FNDC3A: variants seen among roughly 807,000 people sequenced by gnomAD.
FNDC3A encodes the protein fibronectin type III domain containing 3A.
A neutral mutation model predicts 148.9 loss-of-function variants in FNDC3A; 32 were observed. The ratio of observed to expected loss-of-function variants is 0.21; its 90% confidence interval spans 0.16 to 0.29. The LOEUF (loss-of-function observed/expected upper bound fraction) is 0.29. Among genes scored for constraint, FNDC3A ranks in the 10% least tolerant of loss-of-function variants. The pLI is 1.00. For missense variants in FNDC3A, 1,191 were observed against 1,452.8 expected (o/e 0.82, Z 2.93); for synonymous variants, 472 against 473.6 (o/e 1.00, Z 0.04).
intron 3 of FNDC3A, among the ~76,000 whole-genome samples, chr13:49,083,177 T>G (rs912769911): frequency 6.6e-6 from 1 of 152,158 alleles, no homozygotes; most frequent in African/African-American, 2.4e-5. Context: ...AACAGGAATT[T>G]TGTAGCCACC....
chr13:49,148,198 T>C (rs751532723), intron 8 of FNDC3A, among the ~76,000 whole-genome samples: 2 of 152,206 alleles, frequency 1.3e-5, no homozygotes, highest in Non-Finnish European at 2.9e-5. Flanking sequence ...TTGTTTCCTC[T>C]GCTGTGCAAA....
intron 2 of FNDC3A, among the ~76,000 whole-genome samples, chr13:49,036,452 A>G (rs771638983): frequency 1.3e-5 from 2 of 152,238 alleles, no homozygotes; most frequent in Non-Finnish European, 2.9e-5. Flanking sequence ...GTTCTGTCAG[A>G]CAGCACTGGT....
At chr13:49,010,360 A>G (rs1952314505) in intron 2 of FNDC3A, among the ~76,000 whole-genome samples, 1 of 152,196 alleles carries the variant, frequency 6.6e-6, no homozygotes, top group Admixed American at 6.5e-5. Context: ...GATGGTTTGC[A>G]TATAAGAAGT....
intron 3 of FNDC3A, among the ~76,000 whole-genome samples, chr13:49,105,730 G>A (rs1468838415): frequency 3.9e-5 from 6 of 152,020 alleles, no homozygotes; most frequent in Middle Eastern, 3.4e-3. Flanking sequence ...TACATCCTTC[G>A]GTTGGTGTTA....
chr13:49,040,374 C>T lies in FNDC3A; in HGVS notation c.99+34085C>T, dbSNP rs558767631. On this transcript the variant is annotated intron_variant, in intron 2 of 25. Transcript: ENST00000492622. ...CATTATCGGCACTAATAACTCAACC[C>T]AGATATTAGAAGTTCCCACCATTTG... Among the ~76,000 whole-genome samples, 10 of 152,272 alleles carry T rather than the reference C, an allele frequency of 6.6e-5. No homozygotes were observed. The East Asian group carries it at 1.9e-3, about 29-fold the overall frequency.
At chr13:49,174,619 G>T (rs1566306394) in intron 12 of FNDC3A, 60 bp downstream of exon 12, 1 of 1,428,714 alleles carries the variant, frequency 7.0e-7, no homozygotes, top group African/African-American at 1.4e-5. Context: ...AACGTCAATT[G>T]TATAATTATT....
At chr13:49,079,418 C>T (rs1878331178) in intron 3 of FNDC3A, among the ~76,000 whole-genome samples, 1 of 152,120 alleles carries the variant, frequency 6.6e-6, no homozygotes, top group Non-Finnish European at 1.5e-5. Flanking sequence ...GTTACTATAA[C>T]ATTCAGTGGT....
chr13:49,137,493 T>C (rs961650958), intron 6 of FNDC3A, among the ~76,000 whole-genome samples: 8 of 152,090 alleles, frequency 5.3e-5, no homozygotes, highest in African/African-American at 1.4e-4. Context: ...TAAAGGCGCA[T>C]GCCACCACGC....
chr13:48,996,640 A>C (rs551939967), intron 1 of FNDC3A, among the ~76,000 whole-genome samples: 1 of 152,304 alleles, frequency 6.6e-6, no homozygotes, highest in African/African-American at 2.4e-5. Flanking sequence ...ATCTTTGGGG[A>C]TCCTGGAATC....
At chr13:49,124,624 T>C (rs1289913719) in intron 4 of FNDC3A, among the ~76,000 whole-genome samples, 3 of 152,158 alleles carry the variant, frequency 2.0e-5, no homozygotes, top group African/African-American at 7.2e-5. Context: ...TTGGTCCTTA[T>C]TTTAGGCAGA....
intron 2 of FNDC3A, chr13:49,046,886 CAGTT>C (rs1034752052): frequency 9.9e-5 from 15 of 151,442 alleles, no homozygotes; most frequent in African/African-American, 3.4e-4. Flanking sequence ...TTTTGGGAAA[CAGTT>C]GGTGTTTGCT....
chr13:49,207,606 G>C lies in FNDC3A; in HGVS notation c.*211G>C, dbSNP rs1886713364. 2.3e-6 allele frequency: 1 copy of C among 428,004 alleles called. No homozygotes were observed. Among genetic ancestry groups the C allele is most frequent in the Non-Finnish European group, 4.1e-6 (1 of 241,564 alleles). The allele number at this position is 428,004 out of a possible 1,614,324, so 26.5% of individuals were successfully genotyped here. On this transcript the variant is annotated 3_prime_UTR_variant, in exon 26 of 26. Coordinates refer to ENST00000492622, the MANE Select transcript of FNDC3A (RefSeq NM_001079673.2). ...CAAAAATATCAATTTTGTTTTTTTT[G>C]TTAGGGTGGGTCTTCTTTTTTTCTT...
At chr13:49,133,192 G>A (rs530479035) in intron 5 of FNDC3A, among the ~76,000 whole-genome samples, 40 of 152,274 alleles carry the variant, frequency 2.6e-4, no homozygotes, top group Non-Finnish European at 3.8e-4. Flanking sequence ...CCTAGGAGAT[G>A]TTCATGCTGT....
chr13:49,022,335 G>A (rs1311621717), intron 2 of FNDC3A, among the ~76,000 whole-genome samples: 1 of 152,066 alleles, frequency 6.6e-6, no homozygotes, highest in Admixed American at 6.6e-5. Context: ...CTACATGTTT[G>A]TTTCTGAGAT....
chr13:49,159,757 G>A (rs1042078694), intron 8 of FNDC3A, among the ~76,000 whole-genome samples: 2 of 152,114 alleles, frequency 1.3e-5, no homozygotes, highest in African/African-American at 2.4e-5. Context: ...CTGTGGGTTT[G>A]TCAAATAGCT....
intron 3 of FNDC3A, among the ~76,000 whole-genome samples, chr13:49,080,199 A>G (rs1022466672): frequency 4.1e-4 from 62 of 152,052 alleles, no homozygotes; most frequent in African/African-American, 1.4e-3. Context: ...GTCCCATACC[A>G]TTTTTTCTGA....
intron 1 of FNDC3A, among the ~76,000 whole-genome samples, chr13:48,997,962 C>T (rs554626265): frequency 6.6e-6 from 1 of 150,516 alleles, no homozygotes; most frequent in East Asian, 1.9e-4. Flanking sequence ...CCAGTGAGGG[C>T]TCACAGAGAA....
At chr13:49,185,917 A>G in intron 14 of FNDC3A, 47 bp from the exon 15 acceptor site, 1 of 1,456,480 alleles carries the variant, frequency 6.9e-7, no homozygotes, top group Non-Finnish European at 9.5e-7. Flanking sequence ...AGCCAGTATC[A>G]TTAGGTATCA....
At chr13:49,128,685 C>G (rs1881852775) in intron 4 of FNDC3A, among the ~76,000 whole-genome samples, 2 of 152,196 alleles carry the variant, frequency 1.3e-5, no homozygotes, top group Non-Finnish European at 2.9e-5. Context: ...GGTGCCTGAC[C>G]TGACCACCCT....
Sources: gnomAD v4.1 joint callset for allele counts (sites outside exome capture counted in the v4.1 genomes callset) on GRCh38, gnomAD v4.1.1 for gene constraint, MANE v1.5 for transcripts, NCBI Gene and HGNC (gene_info 2026-07-23, HGNC 2026-07-21) for gene names.